The following TNC variants were observed in gnomAD, a reference collection of about 807,000 sequenced individuals.
The protein encoded by TNC is tenascin.
TNC carries 109 observed loss-of-function variants against 202.4 expected under a neutral mutation model. The observed-to-expected ratio is 0.54, with a 90% CI of 0.46 to 0.63. TNC has a LOEUF of 0.63. Among genes scored for constraint, TNC ranks in the 30% least tolerant of loss-of-function variants. The pLI is 0.00. For missense variants in TNC, 2,756 were observed against 2,833.3 expected (o/e 0.97, Z 0.62); for synonymous variants, 1,007 against 1,089.7 (o/e 0.92, Z 1.50).
intron 1 of TNC, among the ~76,000 whole-genome samples, chr9:115,099,754 C>T (rs1836085159): frequency 6.6e-6 from 1 of 152,178 alleles, no homozygotes; most frequent in South Asian, 2.1e-4. Flanking sequence ...TATGATTATT[C>T]TGTCTTGTGC....
chr9:115,026,272 A>C (rs1319385936), intron 26 of TNC, among the ~76,000 whole-genome samples: 2 of 152,142 alleles, frequency 1.3e-5, no homozygotes, highest in South Asian at 4.1e-4. Context: ...TAAGAAAGAC[A>C]CACTTTTTTT....
intron 13 of TNC, among the ~76,000 whole-genome samples, chr9:115,061,811 T>G (rs1412944497): frequency 6.6e-6 from 1 of 152,118 alleles, no homozygotes; most frequent in Admixed American, 6.5e-5. Flanking sequence ...TACAGCACAG[T>G]TTTTTATAAC....
At position 115,090,793 on chromosome 9, in the gene TNC, C is replaced by A; in HGVS notation, c.226G>T (p.Asp76Tyr). 6.2e-7 allele frequency: 1 copy of A among 1,614,186 alleles called. No individual in the cohort carries two copies. Among genetic ancestry groups the A allele is most frequent in the Non-Finnish European group, 8.5e-7 (1 of 1,180,026 alleles). Residue 76 changes from aspartate to tyrosine, a missense_variant, in exon 2 of 28, where the codon GAC (aspartate) becomes TAC (tyrosine). Physicochemically the swap from Asp to Tyr is radical, Grantham distance 160 (BLOSUM62 -3). Transcript: ENST00000350763. ...VDLESASGEK[D>Y]LAPPSEPSES... ...CTGGGCTCTGAAGGCGGTGCCAGGT[C>A]TTTCTCCCCACTGGCTGACTCCAGA...
intron 12 of TNC, 35 bp downstream of exon 12, chr9:115,063,761 G>T: frequency 6.3e-7 from 1 of 1,589,600 alleles, no homozygotes. Flanking sequence ...AGAGACAAAG[G>T]GGAGGAAGTG....
chr9:115,038,233 G>T (rs1191959811), intron 20 of TNC, 28 bp downstream of exon 20: 1 of 1,610,318 alleles, frequency 6.2e-7, no homozygotes, highest in South Asian at 1.1e-5. Context: ...ACTCCTTAGA[G>T]TGAGGAGAGA....
At chr9:115,076,333 T>A (rs1013005332) in intron 8 of TNC, 57 bp downstream of exon 8, 3 of 1,588,762 alleles carry the variant, frequency 1.9e-6, no homozygotes, top group East Asian at 4.5e-5. Context: ...CAGGTGCCCA[T>A]CCTTTAAGGG....
intron 10 of TNC, 131 bp from the exon 11 acceptor site, chr9:115,065,050 C>T (rs999209871): frequency 1.0e-6 from 1 of 967,656 alleles, no homozygotes; most frequent in African/African-American, 1.6e-5. Flanking sequence ...TTGTTCACTG[C>T]ATCCCCTACT....
chr9:115,083,880 CG>C (rs1834504058), intron 4 of TNC, among the ~76,000 whole-genome samples: 1 of 152,144 alleles, frequency 6.6e-6, no homozygotes, highest in African/African-American at 2.4e-5. Flanking sequence ...GCTAGGATTA[CG>C]GGCATGAGCC....
chr9:115,048,114 T>G, intron 16 of TNC, 146 bp downstream of exon 16: 7 of 959,998 alleles, frequency 7.3e-6, no homozygotes, highest in South Asian at 4.9e-5. Context: ...CAAGAGGGAG[T>G]GTGGGGAGAA....
At chr9:115,069,583 CT>C (rs1833205203) in intron 10 of TNC, among the ~76,000 whole-genome samples, 1 of 144,256 alleles carries the variant, frequency 6.9e-6, no homozygotes, top group Non-Finnish European at 1.5e-5. Context: ...TCCCTCCTCC[CT>C]TCTTTCCTTC....
intron 22 of TNC, among the ~76,000 whole-genome samples, chr9:115,033,008 G>A (rs1350368880): frequency 6.6e-6 from 1 of 152,174 alleles, no homozygotes; most frequent in Non-Finnish European, 1.5e-5. Flanking sequence ...CTTAGTTTGG[G>A]CAGTCATGCA....
At position 115,082,686 on chromosome 9, in the gene TNC, C is replaced by T; in HGVS notation, c.2247+6G>A. 12 of 1,594,208 alleles carry T rather than the reference C, an allele frequency of 7.5e-6. No homozygotes were observed. Among genetic ancestry groups the T allele is most frequent in the Non-Finnish European group, 1.0e-5 (12 of 1,161,928 alleles). On this transcript the variant is annotated splice_donor_region_variant and intron_variant, in intron 5 of 27. Transcript: ENST00000350763. ...TCAAATGGATCTGCTCTTTTGTACTCCTTACCATATTCCGGAAGATGATCT... is the reference window on the plus strand; with the variant it reads ...TCAAATGGATCTGCTCTTTTGTACTTCTTACCATATTCCGGAAGATGATCT...
At position 115,048,415 on chromosome 9, in the gene TNC, G is replaced by A; in HGVS notation, c.4697C>T (p.Ser1566Phe). Residue 1566 changes from serine (S) to phenylalanine (F), a missense_variant, in exon 16 of 28, where the codon TCT becomes TTT. Around this residue, in one of 2 missense-constraint regions of TNC, gnomAD observed 2,559 missense variants for 2,546.0 expected, o/e 1.01. Transcript: ENST00000350763. ...FDSFLVTVVD[S>F]GKLLDPQEFT... ...TTCCTGGGGGTCCAGCAGCTTCCCA[G>A]AATCCACCACCGTTACTAGAAAGCT... 6.2e-7 allele frequency: 1 copy of A among 1,614,008 alleles called. No homozygotes were observed. The highest frequency in any genetic ancestry group is 8.5e-7 in the Non-Finnish European group (1 of 1,179,948).
Position 115,021,276 on chromosome 9 carries a change from A to G in TNC, c.6496-9T>C. Reference sequence around the variant, plus strand: ...TGGAACCAGTTAACGCCCTGTTAAAAAAAAAAAAGAGAGAGAGAGAGAGAG... The same window carrying G: ...TGGAACCAGTTAACGCCCTGTTAAAGAAAAAAAAGAGAGAGAGAGAGAGAG... On this transcript the variant is annotated splice_polypyrimidine_tract_variant and intron_variant, in intron 27 of 27. Coordinates refer to ENST00000350763, the MANE Select transcript of TNC (RefSeq NM_002160.4). 6.2e-7 allele frequency: 1 copy of G among 1,601,524 alleles called. No homozygotes were observed. The highest frequency in any genetic ancestry group is 1.1e-5 in the South Asian group (1 of 89,838).
chr9:115,060,273 A>G (rs1017579255), intron 13 of TNC, among the ~76,000 whole-genome samples: 1 of 152,172 alleles, frequency 6.6e-6, no homozygotes, highest in African/African-American at 2.4e-5. Context: ...GGGAGCATGC[A>G]TTGCTAGCAG....
chr9:115,021,139 C>A lies in TNC; in HGVS notation c.*18G>T, dbSNP rs1230223361. On this transcript the variant is annotated 3_prime_UTR_variant, in exon 28 of 28. Coordinates refer to ENST00000350763, the MANE Select transcript of TNC (RefSeq NM_002160.4). The stretch of plus-strand genomic sequence containing the variant: ...CGCTCTGGGCCTTATTCCTCTCTCA[C>A]CCAGTGGTCCCTGGAATTTATGCCC... 3.1e-6 allele frequency: 5 copies of A among 1,595,284 alleles called. No individual in the cohort carries two copies. The African/African-American group carries it at 6.7e-5, about 21-fold the overall frequency.
chr9:115,022,343 C>T (rs1170704514), intron 27 of TNC, among the ~76,000 whole-genome samples: 2 of 152,192 alleles, frequency 1.3e-5, no homozygotes, highest in Non-Finnish European at 2.9e-5. Flanking sequence ...CCTGCCTTTG[C>T]CCTGGTTCTT....
At position 115,086,727 on chromosome 9, in the gene TNC, C is replaced by G. The variant is rs747480225; in HGVS notation, c.1004G>C (p.Gly335Ala). 2.0e-5 allele frequency: 33 copies of G among 1,613,912 alleles called. No individual in the cohort carries two copies. The Middle Eastern group carries it at 1.3e-3, about 64-fold the overall frequency. ...TTTCCCGCAGTCTTCACCTGTGAAG[C>G]CTTCTTCGCAGTAGCAGGTGCCATT... ...CINGTCYCEE[G>A]FTGEDCGKPT... is the part of the protein sequence containing the mutation. Residue 335 changes from glycine (G) to alanine (A), a missense_variant, in exon 3 of 28, where the codon GGC becomes GCC. By Grantham distance (60) the Gly-to-Ala change is moderately conservative. Coordinates refer to ENST00000350763, the MANE Select transcript of TNC (RefSeq NM_002160.4).
rs55643605 is a variant in TNC at position 115,084,397 on chromosome 9, C to T, written c.1943G>A (p.Arg648Gln). Residue 648 changes from arginine (R) to glutamine (Q), a missense_variant, in exon 4 of 28, where the codon CGG becomes CAG. Physicochemically the swap from Arg to Gln is conservative, Grantham distance 43. This residue lies in a region of TNC where 2,559 missense variants were observed against 2,546.0 expected (regional missense o/e 1.01). Coordinates refer to ENST00000350763, the MANE Select transcript of TNC (RefSeq NM_002160.4). ...GTACACGACAAGGTACTCTGTGACCCGCATCTCATTGTCCCAGGCCAGGTT... is the reference window on the plus strand; with the variant it reads ...GTACACGACAAGGTACTCTGTGACCTGCATCTCATTGTCCCAGGCCAGGTT... Reference protein sequence around the residue: ...TVNLAWDNEMRVTEYLVVYTP... With the variant: ...TVNLAWDNEMQVTEYLVVYTP... 1.3e-3 allele frequency: 2,091 copies of T among 1,614,212 alleles called. 2 individuals carry two copies. The highest frequency in any genetic ancestry group is 1.4e-3 in the Non-Finnish European group (1,622 of 1,180,048).
Sources: allele counts gnomAD v4.1 joint callset (sites outside exome capture counted in the v4.1 genomes callset), GRCh38; gene constraint gnomAD v4.1.1; regional missense constraint gnomAD v4.1.1; transcripts MANE v1.5; gene names NCBI Gene and HGNC (gene_info 2026-07-23, HGNC 2026-07-21).